ASAH1: variants seen among roughly 807,000 people sequenced by gnomAD.
ASAH1 encodes acid ceramidase.
Under a neutral mutation model 59.5 loss-of-function variants are expected in ASAH1, and 70 were observed. The observed-to-expected ratio is 1.18, with a 90% CI of 0.97 to 1.43. The LOEUF is 1.43. ASAH1 is among the 40% of genes most tolerant of loss of function. ASAH1 has a pLI of 0.00. For missense variants in ASAH1, 660 were observed against 482.5 expected (o/e 1.37, Z -3.45); for synonymous variants, 213 against 166.5 (o/e 1.28, Z -2.15).
chr8:18,071,253 TAA>T (rs138422571), intron 3 of ASAH1, 45 bp downstream of exon 3: 35 of 1,010,800 alleles, frequency 3.5e-5, no homozygotes, highest in Non-Finnish European at 4.1e-5. Context: ...AGAAATAAAA[TAA>T]AAAATAAAAA....
chr8:18,064,562 A>T (rs1382989742), intron 5 of ASAH1, 31 bp from the exon 6 acceptor site: 2 of 1,256,482 alleles, frequency 1.6e-6, no homozygotes, highest in East Asian at 4.9e-5. Flanking sequence ...GTGTTAATAT[A>T]CAGAACCATG....
intron 8 of ASAH1, chr8:18,061,948 A>G: frequency 1.6e-6 from 1 of 642,362 alleles, no homozygotes; most frequent in Non-Finnish European, 2.7e-6. Flanking sequence ...ATCACTGGCA[A>G]CGCTTTTTGG....
At chr8:18,061,246 G>A (rs1384649835) in intron 10 of ASAH1, 131 bp downstream of exon 10, 4 of 740,150 alleles carry the variant, frequency 5.4e-6, no homozygotes, top group Admixed American at 2.3e-5. Context: ...CCACATGAGT[G>A]TCAGAGGTTC....
chr8:18,083,598 A>G (rs1050489854), intron 1 of ASAH1, among the ~76,000 whole-genome samples: 1 of 152,238 alleles, frequency 6.6e-6, no homozygotes, highest in East Asian at 1.9e-4. Flanking sequence ...GCACCTGACC[A>G]TCAGGCAGTC....
Position 18,061,739 on chromosome 8 carries a change from C to T in ASAH1, c.650G>A (p.Gly217Glu), listed in dbSNP as rs1799709972. The change falls in exon 9 of 14, where the codon GGA (glycine) becomes GAA (glutamate). Residue 217 changes from glycine (G) to glutamate (E), a missense_variant and splice_region_variant. Transcript: ENST00000637790. ...TTCATTCAGTGTAAGACTGAACAGT[C>T]CCTGAGAAAAAGACAAAGCAACGAA... ...YVGMLTGFKP[G>E]LFSLTLNERF... 7 of 1,571,350 alleles carry T rather than the reference C, an allele frequency of 4.5e-6. No individual in the cohort carries two copies. Among genetic ancestry groups the T allele is most frequent in the Non-Finnish European group, 5.2e-6 (6 of 1,156,598 alleles).
intron 5 of ASAH1, chr8:18,066,394 G>T (rs1324571848): frequency 7.3e-6 from 1 of 136,606 alleles, no homozygotes; most frequent in African/African-American, 2.8e-5. Context: ...ACCTTCACAA[G>T]CCCTTCTCCA....
intron 2 of ASAH1, among the ~76,000 whole-genome samples, chr8:18,073,076 C>G (rs1020712507): frequency 1.3e-5 from 2 of 152,176 alleles, no homozygotes; most frequent in African/African-American, 4.8e-5. Flanking sequence ...AACCTCTCTA[C>G]CATCAAACCT....
rs115127411 is a variant in ASAH1, at chr8:18,057,200, C to A, written c.*334G>T. The A allele has an allele frequency of 5.3e-5, 16 of 303,628 alleles. No individual in the cohort carries two copies. Among genetic ancestry groups the A allele is most frequent in the Middle Eastern group, 2.4e-3 (2 of 846 alleles). The allele number at this position is 303,628 out of a possible 1,614,324, so 18.8% of individuals were successfully genotyped here. A position where few individuals can be genotyped will look rare whatever the true frequency, so the allele number is the denominator to read the frequency against. On this transcript the variant is annotated 3_prime_UTR_variant, in exon 14 of 14. Coordinates refer to ENST00000637790, the MANE Select transcript of ASAH1 (RefSeq NM_177924.5). ...ACAGACGTGCTGGATTCAACACCCA[C>A]GCTGAATCTCCATTTATTCCACGGA...
At chr8:18,072,976 A>G (rs563498265) in intron 2 of ASAH1, among the ~76,000 whole-genome samples, 11 of 152,288 alleles carry the variant, frequency 7.2e-5, no homozygotes, top group African/African-American at 2.6e-4. Context: ...GGGTAGGTTC[A>G]TGGATCTCAG....
chr8:18,061,488 C>G, intron 9 of ASAH1, 30 bp from the exon 10 acceptor site: 1 of 1,577,670 alleles, frequency 6.3e-7, no homozygotes, highest in African/African-American at 1.3e-5. Flanking sequence ...TGTCAGGAAC[C>G]GGAAGAGGTG....
intron 1 of ASAH1, among the ~76,000 whole-genome samples, chr8:18,078,141 C>G (rs1456039079): frequency 6.6e-6 from 1 of 152,142 alleles, no homozygotes; most frequent in Non-Finnish European, 1.5e-5. Context: ...AGAATCAACT[C>G]GGCAAATTAA....
At chr8:18,082,433 C>T (rs1800691750) in intron 1 of ASAH1, 1 of 152,160 alleles carries the variant, frequency 6.6e-6, no homozygotes. Context: ...CCACAGATAC[C>T]TACGTCGGAT....
intron 5 of ASAH1, 40 bp from the exon 6 acceptor site, chr8:18,064,571 T>C (rs774827564): frequency 1.8e-6 from 2 of 1,139,926 alleles, no homozygotes; most frequent in South Asian, 1.3e-5. Flanking sequence ...TACAGAACCA[T>C]GACAATGGGA....
chr8:18,073,129 A>G, intron 2 of ASAH1: 1 of 960,864 alleles, frequency 1.0e-6, no homozygotes, highest in Non-Finnish European at 1.6e-6. Flanking sequence ...CTAATAAACC[A>G]AATTATTTTA....
At position 18,071,346 on chromosome 8, in the gene ASAH1, G is replaced by T. The variant is rs11538152; in HGVS notation, c.170C>A (p.Pro57Gln). Residue 57 changes from proline to glutamine, a missense_variant, in exon 3 of 14, where the codon CCA becomes CAA. Transcript: ENST00000637790. ...VPWYTINLDLPPYKRWHELML... is the reference protein window; with the variant it reads ...VPWYTINLDLQPYKRWHELML... ...CAATTCATGCCATCTTTTGTAGGGT[G>T]GTAAGTCAAGATTTATGGTGTACCA... 2 of 1,604,808 alleles carry T rather than the reference G, an allele frequency of 1.2e-6. No individual in the cohort carries two copies. Among genetic ancestry groups the T allele is most frequent in the African/African-American group, 1.3e-5 (1 of 74,802 alleles).
intron 7 of ASAH1, 148 bp from the exon 8 acceptor site, chr8:18,062,571 A>C (rs956781540): frequency 2.3e-6 from 2 of 852,080 alleles, no homozygotes; most frequent in Non-Finnish European, 3.7e-6. Context: ...TGGTATATTT[A>C]TTCTGTTTTC....
chr8:18,077,735 T>C (rs1800471726), intron 1 of ASAH1, among the ~76,000 whole-genome samples: 1 of 152,232 alleles, frequency 6.6e-6, no homozygotes, highest in Non-Finnish European at 1.5e-5. Context: ...TAATCCACCA[T>C]TGGTAAATGG....
At chr8:18,080,806 C>G (rs942133305) in intron 1 of ASAH1, among the ~76,000 whole-genome samples, 39 of 152,330 alleles carry the variant, frequency 2.6e-4, no homozygotes, top group African/African-American at 8.9e-4. Context: ...GATCTGCCCA[C>G]CTTGGCCTCC....
chr8:18,065,334 A>T (rs1799885154), intron 5 of ASAH1: 1 of 152,142 alleles, frequency 6.6e-6, no homozygotes, highest in Non-Finnish European at 1.5e-5. Flanking sequence ...CTTTCCATAA[A>T]GGCAGCAAGT....
Sources: allele counts gnomAD v4.1 joint callset (sites outside exome capture counted in the v4.1 genomes callset), GRCh38; gene constraint gnomAD v4.1.1; transcripts MANE v1.5; gene names NCBI Gene and HGNC (gene_info 2026-07-23, HGNC 2026-07-21).